The following LRRC37A2 variants were observed in gnomAD, a reference collection of about 807,000 sequenced individuals.
LRRC37A2 encodes leucine-rich repeat-containing protein 37A2.
Under a neutral mutation model 68.8 loss-of-function variants are expected in LRRC37A2, and 9 were observed. The ratio of observed to expected loss-of-function variants is 0.13; its 90% CI spans 0.08 to 0.23. The LOEUF (loss-of-function observed/expected upper bound fraction) is 0.23. Ranked by LOEUF, LRRC37A2 falls within the 10% of genes least tolerant of loss-of-function variation. The pLI is 1.00. For synonymous variants in LRRC37A2, 63 were observed against 367.6 expected (o/e 0.17, Z 9.48); for missense variants, 168 against 950.4 (o/e 0.18, Z 10.82).
At chr17:46,491,756 T>C in the LRRC37A2 span, among the ~76,000 whole-genome samples, 1 of 147,140 alleles carries the variant, frequency 6.8e-6, no homozygotes, top group Admixed American at 6.6e-5. Flanking sequence ...AAGTTTTTTT[T>C]TTTAAAATCA....
At chr17:46,803,900 G>A in the LRRC37A2 span, among the ~76,000 whole-genome samples, 2 of 152,188 alleles carry the variant, frequency 1.3e-5, no homozygotes, top group African/African-American at 4.8e-5. Context: ...TGAAGAGGGT[G>A]GGCACAGGCT....
the LRRC37A2 span, among the ~76,000 whole-genome samples, chr17:46,771,428 C>T: frequency 6.0e-5 from 9 of 151,024 alleles, no homozygotes; most frequent in African/African-American, 2.2e-4. Flanking sequence ...GGCCGGCCTG[C>T]GGCCTCTCGC....
At chr17:47,006,829 G>C in the LRRC37A2 span, among the ~76,000 whole-genome samples, 2 of 152,198 alleles carry the variant, frequency 1.3e-5, no homozygotes, top group Non-Finnish European at 2.9e-5. Flanking sequence ...AAAGTACACA[G>C]AAGCTGTGGG....
At chr17:46,752,997 G>T in the LRRC37A2 span, among the ~76,000 whole-genome samples, 1 of 152,208 alleles carries the variant, frequency 6.6e-6, no homozygotes, top group African/African-American at 2.4e-5. Context: ...TCGATCTACT[G>T]ACCTCAGGTG....
the LRRC37A2 span, among the ~76,000 whole-genome samples, chr17:46,725,761 G>A: frequency 1.2e-4 from 19 of 152,072 alleles, no homozygotes; most frequent in African/African-American, 4.3e-4. Flanking sequence ...CAGAGAGAGT[G>A]GGCTGGGATG....
At chr17:46,785,414 C>T in the LRRC37A2 span, among the ~76,000 whole-genome samples, 4 of 152,302 alleles carry the variant, frequency 2.6e-5, no homozygotes, top group Non-Finnish European at 4.4e-5. Flanking sequence ...CAGTGATCCA[C>T]GCCATAGGAG....
the LRRC37A2 span, among the ~76,000 whole-genome samples, chr17:46,927,641 C>G: frequency 6.6e-6 from 1 of 152,192 alleles, no homozygotes; most frequent in Non-Finnish European, 1.5e-5. Flanking sequence ...TCCCTTCTTT[C>G]AAAAGCTCCC....
At chr17:46,896,027 C>A in the LRRC37A2 span, among the ~76,000 whole-genome samples, 1 of 152,054 alleles carries the variant, frequency 6.6e-6, no homozygotes, top group Admixed American at 6.6e-5. Context: ...GCCTGTAATC[C>A]CAGCACTTTG....
At chr17:46,932,338 T>C in the LRRC37A2 span, 10 of 945,146 alleles carry the variant, frequency 1.1e-5, no homozygotes, top group East Asian at 4.9e-5. Flanking sequence ...TGACAGGAAC[T>C]TTGTGCATTG....
At chr17:46,945,932 C>T in the LRRC37A2 span, among the ~76,000 whole-genome samples, 2 of 152,118 alleles carry the variant, frequency 1.3e-5, no homozygotes, top group African/African-American at 4.8e-5. Context: ...GTATAAATTC[C>T]GTGTCCATGG....
the LRRC37A2 span, chr17:46,721,732 G>A: frequency 7.5e-6 from 12 of 1,604,424 alleles, no homozygotes; most frequent in African/African-American, 4.0e-5. Flanking sequence ...CTAGTTTGAC[G>A]GGGATTCTCT....
At chr17:47,040,597 C>G in the LRRC37A2 span, among the ~76,000 whole-genome samples, 1 of 101,712 alleles carries the variant, frequency 9.8e-6, no homozygotes, top group Non-Finnish European at 2.1e-5. Flanking sequence ...GTTAGCTTAC[C>G]GATCAGCTAA....
chr17:47,033,558 T>G, the LRRC37A2 span, among the ~76,000 whole-genome samples: 3 of 152,332 alleles, frequency 2.0e-5, no homozygotes, highest in Middle Eastern at 6.8e-3. Context: ...GTCATTTAAA[T>G]TTATTTTCAC....
the LRRC37A2 span, among the ~76,000 whole-genome samples, chr17:46,753,078 C>G: frequency 6.6e-6 from 1 of 152,188 alleles, no homozygotes; most frequent in Non-Finnish European, 1.5e-5. Context: ...CAGTAAACTT[C>G]TGTTGGATGA....
At chr17:46,768,923 G>C in the LRRC37A2 span, 2 of 1,422,800 alleles carry the variant, frequency 1.4e-6, no homozygotes, top group Non-Finnish European at 1.9e-6. This position sits in a 1 kb window ranked among gnomAD's most constrained non-coding sequence, Gnocchi z 5.0. Context: ...GTGACAGGAA[G>C]AGAACTGATG....
Position 46,544,907 on chromosome 17 carries a change from C to T in LRRC37A2, c.3054-1348C>T, listed in dbSNP as rs1225584329. ...TCATTTCCTTTAATCTAAAACATGC[C>T]TCTACTTTCTTTGATCTTTCATGAC... On this transcript the variant is annotated intron_variant, in intron 8 of 14. Transcript: ENST00000576629. Among the ~76,000 whole-genome samples the T allele has an allele frequency of 5.0e-5, 7 of 138,952 alleles. 1 individual carries two copies. Among genetic ancestry groups the T allele is most frequent in the South Asian group, 2.2e-4 (1 of 4,558 alleles). 91.2% of individuals were successfully genotyped at this position (138,952 alleles called of 152,430 possible).
chr17:46,941,863 G>T, the LRRC37A2 span: 1 of 911,908 alleles, frequency 1.1e-6, no homozygotes, highest in Non-Finnish European at 1.3e-6. Context: ...TAGGGTTACA[G>T]GTGTTAGCCA....
At chr17:46,979,165 C>T in the LRRC37A2 span, 1 of 771,490 alleles carries the variant, frequency 1.3e-6, no homozygotes. Flanking sequence ...CGCTCTCGGG[C>T]CGCCTACCCC....
the LRRC37A2 span, among the ~76,000 whole-genome samples, chr17:46,793,171 G>A: frequency 6.6e-6 from 1 of 150,470 alleles, no homozygotes; most frequent in African/African-American, 2.4e-5. Context: ...CTACTTGAGA[G>A]GCTGAGTTGG....
Sources: gnomAD v4.1 joint callset for allele counts (sites outside exome capture counted in the v4.1 genomes callset) on GRCh38, gnomAD v4.1.1 for gene constraint, Gnocchi (gnomAD v3.1) non-coding constraint, MANE v1.5 for transcripts, NCBI Gene and HGNC (gene_info 2026-07-23, HGNC 2026-07-21) for gene names.